Variants in OLFML2B observed in about 807,000 individuals in gnomAD.
OLFML2B encodes the protein olfactomedin-like protein 2B.
A neutral mutation model predicts 74.9 loss-of-function variants in OLFML2B; 57 were observed. That is an observed-to-expected ratio of 0.76 (90% CI 0.61 to 0.95). OLFML2B has a LOEUF of 0.95. Ranked by LOEUF, OLFML2B falls within the 40% of genes least tolerant of loss-of-function variation. The pLI is 0.00. For synonymous variants in OLFML2B, 388 were observed against 405.8 expected, an observed-to-expected ratio of 0.96 and a Z score of 0.53; for missense variants, 986 against 970.6, an observed-to-expected ratio of 1.02 and a Z score of -0.21.
intron 6 of OLFML2B, among the ~76,000 whole-genome samples, chr1:161,989,711 C>T (rs1174808484): frequency 6.6e-6 from 1 of 152,156 alleles, no homozygotes; most frequent in African/African-American, 2.4e-5. Context: ...AACAGTGCAG[C>T]CTGTTTGTGA....
At chr1:162,022,612 C>T (rs1690751208) in intron 1 of OLFML2B, among the ~76,000 whole-genome samples, 1 of 152,108 alleles carries the variant, frequency 6.6e-6, no homozygotes, top group Non-Finnish European at 1.5e-5. Context: ...AAGATTGAGT[C>T]AGAAAAAACA....
chr1:162,020,184 T>C lies in OLFML2B; in HGVS notation c.175-2A>G. 1 of 1,613,690 alleles carries C rather than the reference T, an allele frequency of 6.2e-7. No individual in the cohort carries two copies. Among genetic ancestry groups the C allele is most frequent in the Non-Finnish European group, 8.5e-7 (1 of 1,179,686 alleles). On this transcript the variant is annotated splice_acceptor_variant, in intron 1 of 7. Transcript: ENST00000294794. LOFTEE classifies it high-confidence loss of function. ...GACCTTGTCATAGTCCCCCAGCAAC[T>C]AGACACACAGAAAACGGGTTAGGGG... is the stretch of plus-strand genomic sequence containing the variant.
In OLFML2B at chr1:161,998,016, T is replaced by C; in HGVS notation, c.1283A>G (p.Gln428Arg). ...TGCCGGAGGAGCTGGGGCTGCTGGT[T>C]GCTGGGTGGCTGTGTGGGCCACAGT... is the stretch of plus-strand genomic sequence containing the variant. ...ATTVAHTATQ[Q>R]PAAPAPPAVS... Residue 428 changes from glutamine (Q) to arginine (R), a missense_variant, in exon 6 of 8, where the codon CAA becomes CGA. Gln to Arg is a conservative substitution (Grantham distance 43, BLOSUM62 1). Coordinates refer to ENST00000294794, the MANE Select transcript of OLFML2B (RefSeq NM_015441.3). 1 of 1,614,144 alleles carries C rather than the reference T, an allele frequency of 6.2e-7. No individual in the cohort carries two copies. The highest frequency in any genetic ancestry group is 1.1e-5 in the South Asian group (1 of 91,084).
chr1:162,023,359 G>A lies in OLFML2B; in HGVS notation c.72C>T (p.Val24=), dbSNP rs1475388120. 5 of 1,606,762 alleles carry A rather than the reference G, an allele frequency of 3.1e-6. No homozygotes were observed. The highest frequency in any genetic ancestry group is 1.1e-5 in the South Asian group (1 of 90,478). ...IVVPAWVSSI[V]LTGTSEPPDA... is the part of the protein sequence containing the mutation. ...CTGGGGGCTCGCTTGTCCCTGTGAG[G>A]ACAATGCTGGACACCCAGGCCGGAA... Residue 24 remains valine, a synonymous_variant, in exon 1 of 8, where the codon GTC becomes GTT. Coordinates refer to ENST00000294794, the MANE Select transcript of OLFML2B (RefSeq NM_015441.3).
In OLFML2B at chr1:161,983,870, C is replaced by G. The variant is rs777554714; in HGVS notation, c.2058G>C (p.Val686=). The change falls in exon 8 of 8, where the codon GTG becomes GTC. Residue 686 remains valine (V), a synonymous_variant. Transcript: ENST00000294794. The part of the protein sequence containing the change: ...CFVICGVLYA[V]DSYNQRNANI... ...TGGCATTCCGCTGGTTGTAGCTATC[C>G]ACGGCATACAGCACCCCACAGATGA... The G allele has an allele frequency of 1.2e-6, 2 of 1,614,138 alleles. No individual in the cohort carries two copies. The highest frequency in any genetic ancestry group is 4.5e-5 in the East Asian group (2 of 44,886).
chr1:162,000,037 A>G, intron 5 of OLFML2B, 76 bp downstream of exon 5: 2 of 1,146,926 alleles, frequency 1.7e-6, no homozygotes, highest in South Asian at 2.9e-5. Context: ...GCTCCCAGGA[A>G]TCCAGCCCAC....
At position 162,000,152 on chromosome 1, in the gene OLFML2B, C is replaced by T; in HGVS notation, c.910G>A (p.Ala304Thr). Residue 304 changes from alanine to threonine, a missense_variant, in exon 5 of 8, where the codon GCC becomes ACC. By Grantham distance (58) the Ala-to-Thr change is moderately conservative. Transcript: ENST00000294794. ...TCATTCTCTTCTTCAGAGACCTTGG[C>T]TTTATAGTAGGTGATGCCCCGGATG... ...TVIRGITYYK[A>T]KVSEEENDIE... 6.2e-7 allele frequency: 1 copy of T among 1,610,196 alleles called. No individual in the cohort carries two copies.
rs530756912 is a variant in OLFML2B, at chr1:161,985,972, G to A, written c.1475-992C>T. On this transcript the variant is annotated intron_variant, in intron 6 of 7. Coordinates refer to ENST00000294794, the MANE Select transcript of OLFML2B (RefSeq NM_015441.3). Reference sequence around the variant, plus strand: ...TGAGAGCCTGCAATGCTTATATGCAGTATTATTATTGAGCATAGCCTTGAA... The same window carrying A: ...TGAGAGCCTGCAATGCTTATATGCAATATTATTATTGAGCATAGCCTTGAA... Among the ~76,000 whole-genome samples the A allele has an allele frequency of 3.9e-5, 6 of 152,320 alleles. No individual in the cohort carries two copies. In the South Asian group the frequency reaches 1.0e-3, roughly 26 times the overall value.
At chr1:162,012,790 C>A (rs1231649626) in intron 3 of OLFML2B, among the ~76,000 whole-genome samples, 1 of 152,182 alleles carries the variant, frequency 6.6e-6, no homozygotes, top group African/African-American at 2.4e-5. Context: ...TTACAGGTAT[C>A]CTGCAGCAAG....
chr1:162,007,483 C>T (rs1690267409), intron 3 of OLFML2B, among the ~76,000 whole-genome samples: 1 of 152,194 alleles, frequency 6.6e-6, no homozygotes, highest in Non-Finnish European at 1.5e-5. Flanking sequence ...CCAACTTTGG[C>T]CCTCATTCTA....
In OLFML2B at chr1:161,995,681, C is replaced by T. The variant is rs550464507; in HGVS notation, c.1474+2144G>A. On this transcript the variant is annotated intron_variant, in intron 6 of 7. Transcript: ENST00000294794. ...AGCAAGTCACCGACGGAAGAGGCTC[C>T]CAGGCTGGCAGACACCATTGCCTGA... 2.0e-4 allele frequency among the ~76,000 whole-genome samples: 31 copies of T among 152,276 alleles called. 2 individuals are homozygous for T. The South Asian group carries it at 6.4e-3, about 32-fold the overall frequency.
Position 162,006,408 on chromosome 1 carries a change from G to C in OLFML2B, c.612C>G (p.Thr204=). 1 of 1,612,284 alleles carries C rather than the reference G, an allele frequency of 6.2e-7. No individual in the cohort carries two copies. Among genetic ancestry groups the C allele is most frequent in the Non-Finnish European group, 8.5e-7 (1 of 1,179,526 alleles). The change falls in exon 4 of 8, where the codon ACC becomes ACG. Residue 204 remains threonine (T), a synonymous_variant. Transcript: ENST00000294794. ...TTTCTTTGCCTCGCTTATTCATCTC[G>C]GTTCGAATTTCTTCCATGTCCTCTT... ...QIKEDMEEIR[T]EMNKRGKENC...
At chr1:162,007,778 G>A (rs1333706825) in intron 3 of OLFML2B, among the ~76,000 whole-genome samples, 3 of 152,112 alleles carry the variant, frequency 2.0e-5, no homozygotes, top group Non-Finnish European at 4.4e-5. Flanking sequence ...CTCCTACAGG[G>A]GCTGCCCAGA....
chr1:161,987,779 C>G (rs116842187), intron 6 of OLFML2B, among the ~76,000 whole-genome samples: 1 of 152,160 alleles, frequency 6.6e-6, no homozygotes, highest in African/African-American at 2.4e-5. Flanking sequence ...GGGGAGTCCC[C>G]GCTTGCATTT....
chr1:162,018,891 C>G (rs574611692), intron 2 of OLFML2B, among the ~76,000 whole-genome samples: 2 of 152,344 alleles, frequency 1.3e-5, no homozygotes, highest in African/African-American at 4.8e-5. Context: ...ATAGCTGGCT[C>G]TTAGTATGTA....
intron 6 of OLFML2B, among the ~76,000 whole-genome samples, chr1:161,987,477 GA>G (rs939249877): frequency 3.3e-5 from 5 of 152,120 alleles, no homozygotes; most frequent in Admixed American, 3.3e-4. Context: ...GCAATGTGAT[GA>G]AAAAAGCAAA....
At chr1:162,005,112 A>G (rs1393156312) in intron 4 of OLFML2B, among the ~76,000 whole-genome samples, 2 of 152,250 alleles carry the variant, frequency 1.3e-5, no homozygotes, top group East Asian at 3.8e-4. Flanking sequence ...TCCCAAATTA[A>G]TGCCTATTTC....
intron 3 of OLFML2B, among the ~76,000 whole-genome samples, chr1:162,008,821 C>T (rs548812309): frequency 7.9e-5 from 12 of 152,322 alleles, no homozygotes; most frequent in East Asian, 1.9e-4. Context: ...GCTTGAAAAA[C>T]GGACAGAAAT....
chr1:162,016,204 T>G (rs1690529723), intron 3 of OLFML2B, among the ~76,000 whole-genome samples: 1 of 152,216 alleles, frequency 6.6e-6, no homozygotes, highest in African/African-American at 2.4e-5. Flanking sequence ...CTTGTTTAAT[T>G]TAACCATTTC....
Sources: allele counts gnomAD v4.1 joint callset (sites outside exome capture counted in the v4.1 genomes callset), GRCh38; gene constraint gnomAD v4.1.1; transcripts MANE v1.5; gene names NCBI Gene and HGNC (gene_info 2026-07-23, HGNC 2026-07-21).